Variants in DOK6 observed in about 807,000 individuals in gnomAD.
DOK6 encodes downstream of tyrosine kinase 6.
Under a neutral mutation model 44.0 loss-of-function variants are expected in DOK6, and 22 were observed. The ratio of observed to expected loss-of-function variants is 0.50; its 90% CI spans 0.36 to 0.71. The LOEUF is 0.71. Ranked by LOEUF, DOK6 falls within the 30% of genes least tolerant of loss-of-function variation. DOK6 has a pLI of 0.00. For missense variants in DOK6, 340 were observed against 416.4 expected (o/e 0.82, Z 1.60); for synonymous variants, 166 against 145.5 (o/e 1.14, Z -1.01).
At chr18:69,621,266 A>T (rs1028230773) in intron 3 of DOK6, among the ~76,000 whole-genome samples, 1 of 152,120 alleles carries the variant, frequency 6.6e-6, no homozygotes, top group Non-Finnish European at 1.5e-5. Context: ...TTGCCTTGAT[A>T]TTTTTTAAAG....
intron 3 of DOK6, among the ~76,000 whole-genome samples, chr18:69,612,967 C>T (rs1025208134): frequency 6.6e-6 from 1 of 151,754 alleles, no homozygotes; most frequent in Admixed American, 6.6e-5. Context: ...CTGCAGCCTC[C>T]ACCTCCCTGG....
intron 3 of DOK6, among the ~76,000 whole-genome samples, chr18:69,672,759 C>T (rs886769168): frequency 6.6e-6 from 1 of 151,426 alleles, no homozygotes; most frequent in Non-Finnish European, 1.5e-5. Flanking sequence ...ATCAGCAAGG[C>T]CAGTTAAGTA....
intron 7 of DOK6, among the ~76,000 whole-genome samples, chr18:69,758,834 T>G (rs1043834247): frequency 6.6e-6 from 1 of 152,242 alleles, no homozygotes; most frequent in African/African-American, 2.4e-5. Flanking sequence ...TAGCTTTTGC[T>G]CACTATTAAC....
chr18:69,828,139 T>C (rs1981795927), intron 7 of DOK6, among the ~76,000 whole-genome samples: 1 of 151,900 alleles, frequency 6.6e-6, no homozygotes, highest in Non-Finnish European at 1.5e-5. Context: ...GATACTTTAA[T>C]ATAATATTCT....
At chr18:69,491,018 A>T (rs1980720312) in intron 1 of DOK6, among the ~76,000 whole-genome samples, 1 of 152,266 alleles carries the variant, frequency 6.6e-6, no homozygotes, top group Non-Finnish European at 1.5e-5. Flanking sequence ...GAGTTAATTA[A>T]CATTAACCAA....
At position 69,698,428 on chromosome 18, in the gene DOK6, C is replaced by A. The variant is rs1416452342; in HGVS notation, c.434C>A (p.Pro145His). ...GAGAGATTCAACGTGTATCTTATGC[C>A]TACACCAAACCTGGATATTTATGGT... ...QNERFNVYLM[P>H]TPNLDIYGEC... is the part of the protein sequence containing the mutation. The change falls in exon 5 of 8, where the codon CCT becomes CAT. Residue 145 changes from proline (P) to histidine (H), a missense_variant. By Grantham distance (77) the Pro-to-His change is moderately conservative (BLOSUM62 -2). Transcript: ENST00000382713. The A allele has an allele frequency of 2.5e-6, 4 of 1,613,138 alleles. No homozygotes were observed. The highest frequency in any genetic ancestry group is 3.4e-6 in the Non-Finnish European group (4 of 1,179,474).
At chr18:69,583,641 G>A (rs1983419079) in intron 2 of DOK6, among the ~76,000 whole-genome samples, 1 of 151,720 alleles carries the variant, frequency 6.6e-6, no homozygotes, top group Non-Finnish European at 1.5e-5. Context: ...CATAGGCCAG[G>A]CATGGTGAAG....
chr18:69,696,103 A>G (rs1296479427), intron 4 of DOK6, among the ~76,000 whole-genome samples: 1 of 152,218 alleles, frequency 6.6e-6, no homozygotes, highest in Non-Finnish European at 1.5e-5. Flanking sequence ...AGAGATACAT[A>G]GAGCCCTATA....
In DOK6 at chr18:69,561,810, C is replaced by G. The variant is rs550863011; in HGVS notation, c.67-2677C>G. 1.6e-3 allele frequency among the ~76,000 whole-genome samples: 237 copies of G among 152,108 alleles called. 2 individuals carry two copies. Among genetic ancestry groups the G allele is most frequent in the African/African-American group, 5.4e-3 (226 of 41,524 alleles). On this transcript the variant is annotated intron_variant, in intron 1 of 7. Transcript: ENST00000382713. ...GTTGTTCTACTTTTATAATGAGAGG[C>G]CTTTATGTGATTGTTGCAAGAATGC...
chr18:69,651,162 T>C lies in DOK6; in HGVS notation c.290-26572T>C, dbSNP rs78857103. On this transcript the variant is annotated intron_variant, in intron 3 of 7. Coordinates refer to ENST00000382713, the MANE Select transcript of DOK6 (RefSeq NM_152721.6). ...CGAAGCATACAGACATCTGTGCCCGTCCTCCCCACTTGAGCCTCCTGTAAT... is the reference window on the plus strand; with the variant it reads ...CGAAGCATACAGACATCTGTGCCCGCCCTCCCCACTTGAGCCTCCTGTAAT... Among the ~76,000 whole-genome samples, 377 of 152,190 alleles carry C rather than the reference T, an allele frequency of 2.5e-3. 12 individuals are homozygous for C. The East Asian group carries it at 0.057, about 23-fold the overall frequency.
intron 6 of DOK6, among the ~76,000 whole-genome samples, chr18:69,755,818 C>A (rs926693245): frequency 6.6e-6 from 1 of 152,150 alleles, no homozygotes; most frequent in Non-Finnish European, 1.5e-5. Flanking sequence ...GTCTCACAAC[C>A]AGGAAAAATT....
intron 4 of DOK6, among the ~76,000 whole-genome samples, chr18:69,688,912 AC>A (rs1259761965): frequency 6.6e-6 from 1 of 152,206 alleles, no homozygotes; most frequent in African/African-American, 2.4e-5. Flanking sequence ...CCCTATGCAC[AC>A]CACAGTTAAA....
At chr18:69,761,617 G>A (rs1979557450) in intron 7 of DOK6, among the ~76,000 whole-genome samples, 1 of 152,128 alleles carries the variant, frequency 6.6e-6, no homozygotes, top group Non-Finnish European at 1.5e-5. Flanking sequence ...TACCCGTCAG[G>A]GCTGAGTTGG....
intron 1 of DOK6, among the ~76,000 whole-genome samples, chr18:69,455,156 C>CAAAAAAAAAA (rs58451274): frequency 8.5e-5 from 10 of 117,436 alleles, no homozygotes; most frequent in Non-Finnish European, 1.1e-4. Flanking sequence ...ATAGCTATAG[C>CAAAAAAAAAA]AAAAAAAAAA....
chr18:69,753,296 C>T (rs887535455), intron 6 of DOK6, among the ~76,000 whole-genome samples: 1 of 152,096 alleles, frequency 6.6e-6, no homozygotes. Context: ...AAATCTAAAC[C>T]TCTTTTCTGG....
rs1204038571 is a variant in DOK6, at chr18:69,435,086, GGAAGGAAA to G, written c.66+33784_66+33791del. Among the ~76,000 whole-genome samples, 9 of 148,330 alleles carry G rather than the reference GGAAGGAAA, an allele frequency of 6.1e-5. No homozygotes were observed. The South Asian group carries it at 1.3e-3, about 21-fold the overall frequency. ...AGGAAGGAAGGAAGGAAGGAAGGAAGGAAGGAAAGAAGGAAGAAAGAAAGATTAGTGTA... is the reference window on the plus strand; with the variant it reads ...AGGAAGGAAGGAAGGAAGGAAGGAAGGAAGGAAGAAAGAAAGATTAGTGTA... On this transcript the variant is annotated intron_variant, in intron 1 of 7. Transcript: ENST00000382713.
chr18:69,478,182 G>A (rs1056214139), intron 1 of DOK6, among the ~76,000 whole-genome samples: 5 of 152,086 alleles, frequency 3.3e-5, no homozygotes, highest in African/African-American at 9.7e-5. Context: ...GAGAGAAGAG[G>A]CTTTCCGAAT....
At chr18:69,750,084 CATGT>C (rs974652308) in intron 6 of DOK6, among the ~76,000 whole-genome samples, 6 of 146,550 alleles carry the variant, frequency 4.1e-5, no homozygotes, top group Admixed American at 3.4e-4. Context: ...TATATAAAAA[CATGT>C]ATGTGTTAAA....
chr18:69,539,758 A>G (rs780138543), intron 1 of DOK6, among the ~76,000 whole-genome samples: 94 of 152,220 alleles, frequency 6.2e-4, no homozygotes, highest in Non-Finnish European at 1.2e-3. Context: ...ATGGATGCAG[A>G]TGTATCTAAG....
Sources: gnomAD v4.1 joint callset for allele counts (sites outside exome capture counted in the v4.1 genomes callset) on GRCh38, gnomAD v4.1.1 for gene constraint, MANE v1.5 for transcripts, NCBI Gene and HGNC (gene_info 2026-07-23, HGNC 2026-07-21) for gene names.